The following WASHC2A variants were observed in gnomAD, a reference collection of about 807,000 sequenced individuals.
WASHC2A encodes the protein WASH complex subunit 2A.
Under a neutral mutation model 140.3 loss-of-function variants are expected in WASHC2A, and 82 were observed. That is an observed-to-expected ratio of 0.58 (90% CI 0.49 to 0.70). WASHC2A has a LOEUF of 0.70. Among genes scored for constraint, WASHC2A ranks in the 30% least tolerant of loss-of-function variants. The pLI, the probability that WASHC2A is intolerant of heterozygous loss-of-function variation, is 0.00. For synonymous variants in WASHC2A, 340 were observed against 560.8 expected (o/e 0.61, Z 5.56); for missense variants, 985 against 1,521.8 (o/e 0.65, Z 5.87).
intron 25 of WASHC2A, among the ~76,000 whole-genome samples, chr10:50,125,848 C>T (rs1432507113): frequency 1.3e-5 from 2 of 152,022 alleles, no homozygotes; most frequent in Admixed American, 6.5e-5. Context: ...TTTGTAAGTA[C>T]TCTGTTTTCT....
In WASHC2A at chr10:50,069,418, A is replaced by C. The variant is rs548927338; in HGVS notation, c.127-129A>C. The C allele has an allele frequency of 4.2e-3, 3,199 of 758,322 alleles. 54 individuals carry two copies. In the African/African-American group the frequency reaches 0.07, roughly 17 times the overall value. 47.0% of individuals were successfully genotyped at this position (758,322 alleles called of 1,614,324 possible). On this transcript the variant is annotated intron_variant, in intron 2 of 30. Coordinates refer to ENST00000282633, the MANE Select transcript of WASHC2A (RefSeq NM_001005751.3). ...CAGGCAACAGAGTGAAACTCTCTCA[A>C]AAAAAAAAAAAGCATTTCTTTCACA...
intron 17 of WASHC2A, among the ~76,000 whole-genome samples, chr10:50,102,689 G>A (rs1257617520): frequency 1.4e-5 from 2 of 146,784 alleles, no homozygotes; most frequent in Non-Finnish European, 3.0e-5. Flanking sequence ...TGTCCAAAGA[G>A]GTCTTAGAAA....
At chr10:50,103,318 T>G (rs1384937469) in intron 17 of WASHC2A, among the ~76,000 whole-genome samples, 1 of 151,618 alleles carries the variant, frequency 6.6e-6, no homozygotes, top group African/African-American at 2.4e-5. Context: ...CCAGCACTTG[T>G]GGAAGCCGAG....
intron 28 of WASHC2A, among the ~76,000 whole-genome samples, 178 bp from the exon 29 acceptor site, chr10:50,129,241 T>C (rs1843713827): frequency 6.6e-6 from 1 of 152,186 alleles, no homozygotes; most frequent in South Asian, 2.1e-4. Context: ...TACTAGGAGC[T>C]ATTAAACTCC....
chr10:50,072,039 G>T (rs1837881527), intron 3 of WASHC2A, among the ~76,000 whole-genome samples: 1 of 131,920 alleles, frequency 7.6e-6, no homozygotes, highest in Admixed American at 7.9e-5. Flanking sequence ...CTCCCATGTA[G>T]TTGGGATTAC....
intron 8 of WASHC2A, among the ~76,000 whole-genome samples, chr10:50,087,531 A>G (rs1370685200): frequency 2.0e-5 from 3 of 152,024 alleles, no homozygotes; most frequent in African/African-American, 7.2e-5. Flanking sequence ...TTTTTCTTAG[A>G]AAAGAAGTTT....
intron 17 of WASHC2A, among the ~76,000 whole-genome samples, chr10:50,102,380 C>A (rs1841286280): frequency 6.6e-6 from 1 of 152,082 alleles, no homozygotes; most frequent in Non-Finnish European, 1.5e-5. Flanking sequence ...TCTTGCAGTA[C>A]CAAGAAAGGT....
chr10:50,099,269 CTT>C (rs1295300009), intron 16 of WASHC2A, among the ~76,000 whole-genome samples: 84 of 136,064 alleles, frequency 6.2e-4, no homozygotes, highest in African/African-American at 7.7e-4. Context: ...CATTCTTCTT[CTT>C]TTTTTTTTTT....
intron 4 of WASHC2A, 89 bp downstream of exon 4, chr10:50,078,826 G>T (rs1337723194): frequency 6.2e-7 from 1 of 1,611,640 alleles, no homozygotes; most frequent in African/African-American, 1.3e-5. Flanking sequence ...GGGGGATGGT[G>T]GGCGGGGTTG....
intron 8 of WASHC2A, 138 bp downstream of exon 8, chr10:50,087,460 C>G (rs1839486710): frequency 5.9e-6 from 7 of 1,193,116 alleles, no homozygotes; most frequent in Non-Finnish European, 8.4e-6. Flanking sequence ...TTAAGCATTT[C>G]ATGTATTTAG....
At chr10:50,076,243 A>G (rs1488268149) in intron 3 of WASHC2A, among the ~76,000 whole-genome samples, 4 of 152,330 alleles carry the variant, frequency 2.6e-5, no homozygotes, top group African/African-American at 9.6e-5. Flanking sequence ...AAGTGCTGGG[A>G]TTACAGTCGT....
At chr10:50,123,924 A>G (rs1433001812) in intron 23 of WASHC2A, among the ~76,000 whole-genome samples, 2 of 151,876 alleles carry the variant, frequency 1.3e-5, no homozygotes, top group African/African-American at 4.8e-5. Flanking sequence ...TTAATTTGAT[A>G]TATTTTCTCC....
At chr10:50,110,296 C>G (rs1842170188) in intron 20 of WASHC2A, 26 bp downstream of exon 20, 1 of 1,607,206 alleles carries the variant, frequency 6.2e-7, no homozygotes, top group Non-Finnish European at 8.5e-7. Context: ...GAAGGAGTCC[C>G]TCACTCCGTT....
At chr10:50,099,893 C>T (rs1840907838) in intron 16 of WASHC2A, 85 bp from the exon 17 acceptor site, 2 of 1,186,430 alleles carry the variant, frequency 1.7e-6, no homozygotes, top group Non-Finnish European at 2.4e-6. Context: ...TGAGTAAACC[C>T]TCTTTTCTGG....
chr10:50,103,043 T>C (rs1268907833), intron 17 of WASHC2A, among the ~76,000 whole-genome samples: 2 of 149,710 alleles, frequency 1.3e-5, no homozygotes, highest in African/African-American at 4.9e-5. Flanking sequence ...ATCTGGTATT[T>C]TTACAAAATT....
intron 13 of WASHC2A, among the ~76,000 whole-genome samples, chr10:50,094,943 C>G (rs1224289804): frequency 1.3e-5 from 2 of 151,434 alleles, no homozygotes; most frequent in Non-Finnish European, 2.9e-5. Context: ...GGAGTCACAG[C>G]TCAGATTGTG....
chr10:50,109,864 GGTTC>G (rs1289098738), intron 19 of WASHC2A, among the ~76,000 whole-genome samples: 7 of 152,056 alleles, frequency 4.6e-5, no homozygotes, highest in African/African-American at 1.7e-4. Flanking sequence ...CTGCCTCCTG[GGTTC>G]ACTCCATTCT....
At chr10:50,095,831 C>T in intron 15 of WASHC2A, 53 bp downstream of exon 15, 1 of 1,554,636 alleles carries the variant, frequency 6.4e-7, no homozygotes, top group Admixed American at 1.9e-5. Context: ...AGAACGTTGC[C>T]TAAAAAGAAC....
intron 17 of WASHC2A, among the ~76,000 whole-genome samples, chr10:50,100,892 G>A (rs1338144394): frequency 7.2e-5 from 11 of 152,418 alleles, no homozygotes; most frequent in South Asian, 4.1e-4. Flanking sequence ...GGCCTAGGTC[G>A]TCTTAGATCC....
Sources: gnomAD v4.1 joint callset for allele counts (sites outside exome capture counted in the v4.1 genomes callset) on GRCh38, gnomAD v4.1.1 for gene constraint, MANE v1.5 for transcripts, NCBI Gene and HGNC (gene_info 2026-07-23, HGNC 2026-07-21) for gene names.